PRDM4: variants seen among roughly 807,000 people sequenced by gnomAD.
The protein encoded by PRDM4 is PR/SET domain 4, also known as PR domain zinc finger protein 4.
A neutral mutation model predicts 62.3 loss-of-function variants in PRDM4; 38 were observed. The observed-to-expected ratio is 0.61, with a 90% confidence interval of 0.47 to 0.80. The LOEUF is 0.80. PRDM4 is among the 30% of genes least tolerant of loss of function. The pLI is 0.00. For missense variants in PRDM4, 858 were observed against 997.1 expected (o/e 0.86, Z 1.88); for synonymous variants, 339 against 348.2 (o/e 0.97, Z 0.30).
intron 6 of PRDM4, among the ~76,000 whole-genome samples, chr12:107,745,369 C>T (rs747868083): frequency 2.0e-5 from 3 of 152,080 alleles, no homozygotes; most frequent in South Asian, 2.1e-4. Context: ...CGAAACCAGC[C>T]TCGGCAACAT....
At chr12:107,743,354 A>AGCAATCACCTCATTTACTCAT in intron 7 of PRDM4, 72 bp from the exon 8 acceptor site, 1 of 1,065,520 alleles carries the variant, frequency 9.4e-7, no homozygotes, top group Admixed American at 1.8e-5. Flanking sequence ...CACTTAGGCC[A>AGCAATCACCTCATTTACTCAT]GCAATCACCT....
chr12:107,746,410 C>T lies in PRDM4; in HGVS notation c.1141G>A (p.Asp381Asn), dbSNP rs1395269448. The T allele has an allele frequency of 1.1e-5, 18 of 1,607,746 alleles. No homozygotes were observed. Among genetic ancestry groups the T allele is most frequent in the South Asian group, 3.3e-5 (3 of 89,870 alleles). The change falls in exon 6 of 12, where the codon GAC (aspartate) becomes AAC (asparagine). Residue 381 changes from aspartate (D) to asparagine (N), a missense_variant. Around this residue, in one of 3 missense-constraint regions of PRDM4, gnomAD observed 499 missense variants for 546.7 expected, o/e 0.91. Coordinates refer to ENST00000228437, the MANE Select transcript of PRDM4 (RefSeq NM_012406.4). ...GGACAGTCCGAGGGATAGGCGCGGT[C>T]ACACAGAGTACACCCTGTAGATGGC... ...TLFTIWCTLC[D>N]RAYPSDCPEH...
intron 5 of PRDM4, 63 bp from the exon 6 acceptor site, chr12:107,746,487 CG>C: frequency 1.5e-6 from 2 of 1,316,836 alleles, no homozygotes; most frequent in Non-Finnish European, 2.0e-6. Context: ...ATTACCACCA[CG>C]GTTTTTTTTT....
chr12:107,742,582 T>C, intron 8 of PRDM4: 1 of 497,034 alleles, frequency 2.0e-6, no homozygotes, highest in South Asian at 2.6e-5. Context: ...CTACAGTCTG[T>C]TATTGGAAGC....
At position 107,743,256 on chromosome 12, in the gene PRDM4, GA is replaced by G; in HGVS notation, c.1421del (p.Phe474SerfsTer14). On this transcript the variant is annotated frameshift_variant, in exon 8 of 12. Transcript: ENST00000228437. LOFTEE classifies it high-confidence loss of function. ...CATTTTCATCAGTTGTAATGATGCA[GA>G]ATTCTAGGACACCATTGTGGTATAT... ...WKIYHNGVLE[F>X]CIITTDENEC... 1 of 1,613,080 alleles carries G rather than the reference GA, an allele frequency of 6.2e-7. No individual in the cohort carries two copies. Among genetic ancestry groups the G allele is most frequent in the Non-Finnish European group, 8.5e-7 (1 of 1,179,120 alleles).
In PRDM4 at chr12:107,734,410, T is replaced by G; in HGVS notation, c.2206A>C (p.Thr736Pro). Residue 736 changes from threonine (T) to proline (P), a missense_variant, in exon 12 of 12, where the codon ACA (threonine) becomes CCA (proline). Thr to Pro is a conservative substitution (Grantham distance 38, BLOSUM62 -1). Transcript: ENST00000228437. ...TGGTATTTGGTTAGATAAGCCTTTGTACATTTTTCACAGACATAATCCCGT... is the reference window on the plus strand; with the variant it reads ...TGGTATTTGGTTAGATAAGCCTTTGGACATTTTTCACAGACATAATCCCGT... ...GKRDYVCEKCTKAYLTKYHLT... is the reference protein window; with the variant it reads ...GKRDYVCEKCPKAYLTKYHLT... The G allele has an allele frequency of 6.2e-7, 1 of 1,614,192 alleles. No homozygotes were observed. The highest frequency in any genetic ancestry group is 8.5e-7 in the Non-Finnish European group (1 of 1,180,020).
At chr12:107,739,715 C>T in intron 10 of PRDM4, 164 bp from the exon 11 acceptor site, 1 of 560,290 alleles carries the variant, frequency 1.8e-6, no homozygotes, top group Non-Finnish European at 3.0e-6. Flanking sequence ...CACTCAAGAG[C>T]TCCTGAGTTT....
rs2136315486 is a variant in PRDM4, at chr12:107,743,250, G to A, written c.1428C>T (p.Ile476=). 2 of 1,613,436 alleles carry A rather than the reference G, an allele frequency of 1.2e-6. No homozygotes were observed. Among genetic ancestry groups the A allele is most frequent in the South Asian group, 1.1e-5 (1 of 91,072 alleles). The change falls in exon 8 of 12, where the codon ATC becomes ATT. Residue 476 remains isoleucine (I), a synonymous_variant. Coordinates refer to ENST00000228437, the MANE Select transcript of PRDM4 (RefSeq NM_012406.4). ...IYHNGVLEFC[I]ITTDENECNW... ...TACATTCATTTTCATCAGTTGTAATGATGCAGAATTCTAGGACACCATTGT... is the reference window on the plus strand; with the variant it reads ...TACATTCATTTTCATCAGTTGTAATAATGCAGAATTCTAGGACACCATTGT...
rs1890911911 is a variant in PRDM4, at chr12:107,752,025, T to G, written c.516A>C (p.Thr172=). The change falls in exon 5 of 12, where the codon ACA becomes ACC. Residue 172 remains threonine, a synonymous_variant. Transcript: ENST00000228437. ...TGGGATGAAGACTTTGGGCACCATG[T>G]GTGTTCACAGAGCGAGAGTCTATTG... ...IVSIDSRSVN[T]HGAQSLHPSD... is the part of the protein sequence containing the mutation. 2 of 1,614,080 alleles carry G rather than the reference T, an allele frequency of 1.2e-6. No homozygotes were observed. Among genetic ancestry groups the G allele is most frequent in the African/African-American group, 2.7e-5 (2 of 74,940 alleles).
At chr12:107,737,330 C>T (rs1439329828) in intron 11 of PRDM4, among the ~76,000 whole-genome samples, 2 of 152,080 alleles carry the variant, frequency 1.3e-5, no homozygotes, top group African/African-American at 4.8e-5. Flanking sequence ...ATTTTACCAA[C>T]GATCTCCATA....
At chr12:107,749,586 T>G (rs1890826837) in intron 5 of PRDM4, among the ~76,000 whole-genome samples, 1 of 152,004 alleles carries the variant, frequency 6.6e-6, no homozygotes, top group African/African-American at 2.4e-5. Context: ...AAACCAGGGT[T>G]TTCTCCTTAA....
At position 107,760,519 on chromosome 12, in the gene PRDM4, C is replaced by G; in HGVS notation, c.-4G>C. The G allele has an allele frequency of 6.2e-7, 1 of 1,613,506 alleles. No homozygotes were observed. Among genetic ancestry groups the G allele is most frequent in the Non-Finnish European group, 8.5e-7 (1 of 1,179,742 alleles). ...TCCCTACTCACCTGTGATGCATCGG[C>G]TTGGGGCCAAATATCAGAGAAAGGA... is the stretch of plus-strand genomic sequence containing the variant. On this transcript the variant is annotated 5_prime_UTR_variant, in exon 2 of 12. Transcript: ENST00000228437.
chr12:107,752,612 A>G (rs1176239480), intron 4 of PRDM4, among the ~76,000 whole-genome samples: 1 of 152,124 alleles, frequency 6.6e-6, no homozygotes, highest in Non-Finnish European at 1.5e-5. Context: ...TTAAACTATC[A>G]TAACACAAAC....
At position 107,744,235 on chromosome 12, in the gene PRDM4, A is replaced by G. The variant is rs560236956; in HGVS notation, c.1395+308T>C. Among the ~76,000 whole-genome samples the G allele has an allele frequency of 2.3e-4, 35 of 152,364 alleles. No homozygotes were observed. The Middle Eastern group carries it at 0.01, about 44-fold the overall frequency. The stretch of plus-strand genomic sequence containing the variant: ...AGTAAGACTTTTATCATACAAACAA[A>G]GTCTGTGGCCTCAGCAGTCACAAGT... On this transcript the variant is annotated intron_variant, in intron 7 of 11. Coordinates refer to ENST00000228437, the MANE Select transcript of PRDM4 (RefSeq NM_012406.4).
In PRDM4 at chr12:107,751,448, T is replaced by C. The variant is rs1374045516; in HGVS notation, c.1093A>G (p.Asn365Asp). ...AACAAGGTTGCCATGTTCTCCTTGT[T>C]TGAATTGGAGTCTTCCATTTGCAGT... is the stretch of plus-strand genomic sequence containing the variant. ...PSLQMEDSNS[N>D]KENMATLFTI... Residue 365 changes from asparagine to aspartate, a missense_variant, in exon 5 of 12, where the codon AAC (asparagine) becomes GAC (aspartate). Transcript: ENST00000228437. 1.2e-5 allele frequency: 19 copies of C among 1,608,650 alleles called. No individual in the cohort carries two copies. The highest frequency in any genetic ancestry group is 2.2e-5 in the South Asian group (2 of 91,028).
At chr12:107,746,176 G>C in intron 6 of PRDM4, 99 bp downstream of exon 6, 2 of 1,412,664 alleles carry the variant, frequency 1.4e-6, no homozygotes, top group Non-Finnish European at 1.9e-6. Context: ...ATTGACTTTT[G>C]GTCCAAATAA....
At chr12:107,739,788 G>T (rs956494378) in intron 10 of PRDM4, 12 of 258,154 alleles carry the variant, frequency 4.6e-5, no homozygotes, top group Non-Finnish European at 5.8e-5. Context: ...ACCTAAATAT[G>T]TATTTTTAAA....
At chr12:107,742,532 C>G in intron 8 of PRDM4, 184 bp from the exon 9 acceptor site, 1 of 634,378 alleles carries the variant, frequency 1.6e-6, no homozygotes, top group Non-Finnish European at 2.7e-6. Context: ...AGAATTCTTA[C>G]TTCAACATAT....
Position 107,740,949 on chromosome 12 carries a change from T to C in PRDM4, c.1921A>G (p.Thr641Ala). ...SNLRTHLKIH[T>A]GQKNYRCTLC... ...CTGATGGGCCAACACAACTTACCTG[T>C]ATGTATCTTGAGGTGGGTCCGCAGG... Residue 641 changes from threonine to alanine, a missense_variant, in exon 10 of 12, where the codon ACA (threonine) becomes GCA (alanine). Transcript: ENST00000228437. 6.2e-7 allele frequency: 1 copy of C among 1,612,886 alleles called. No homozygotes were observed.
Sources: allele counts gnomAD v4.1 joint callset (sites outside exome capture counted in the v4.1 genomes callset), GRCh38; gene constraint gnomAD v4.1.1; regional missense constraint gnomAD v4.1.1; transcripts MANE v1.5; gene names NCBI Gene and HGNC (gene_info 2026-07-23, HGNC 2026-07-21).